CCND1: variants seen among roughly 807,000 people sequenced by gnomAD.
The protein encoded by CCND1 is G1/S-specific cyclin-D1.
CCND1 carries 9 observed loss-of-function variants against 26.1 expected under a neutral mutation model. That is an observed-to-expected ratio of 0.35 (90% confidence interval 0.21 to 0.60). The LOEUF (loss-of-function observed/expected upper bound fraction) is 0.60, where lower values mean the gene tolerates loss of function less well. Among genes scored for constraint, CCND1 ranks in the 20% least tolerant of loss-of-function variants. The pLI, the probability that CCND1 is intolerant of heterozygous loss-of-function variation, is 0.79. For missense variants in CCND1, 335 were observed against 392.9 expected, an observed-to-expected ratio of 0.85 and a Z score of 1.25; for synonymous variants, 194 against 166.1, an observed-to-expected ratio of 1.17 and a Z score of -1.29.
intron 4 of CCND1, among the ~76,000 whole-genome samples, chr11:69,650,530 C>T (rs1349397540): frequency 6.6e-6 from 1 of 152,204 alleles, no homozygotes; most frequent in Non-Finnish European, 1.5e-5. Flanking sequence ...CATGCTGTGC[C>T]AGGCTGATGG....
Position 69,648,242 on chromosome 11 carries a change from T to TGACA in CCND1, c.723+101_723+104dup, listed in dbSNP as rs1314258083. 2.1e-6 allele frequency: 3 copies of TGACA among 1,434,362 alleles called. No homozygotes were observed. The African/African-American group carries it at 4.2e-5, about 20-fold the overall frequency. 88.9% of individuals were successfully genotyped at this position (1,434,362 alleles called of 1,614,324 possible). On this transcript the variant is annotated intron_variant, in intron 4 of 4. Coordinates refer to ENST00000227507, the MANE Select transcript of CCND1 (RefSeq NM_053056.3). ...AGGCTGGTGCCAAGGCCCCCAAGGG[T>TGACA]GACAAGGTTGGGGCTGGGGCTGGGC...
intron 4 of CCND1, among the ~76,000 whole-genome samples, chr11:69,650,710 A>C (rs894990731): frequency 6.6e-6 from 1 of 152,216 alleles, no homozygotes. Context: ...TGGAGAGGTT[A>C]AGTCTGAAAA....
Position 69,653,686 on chromosome 11 carries a change from G to T in CCND1, c.*2404G>T. 1 of 334,670 alleles carries T rather than the reference G, an allele frequency of 3.0e-6. No individual in the cohort carries two copies. Among genetic ancestry groups the T allele is most frequent in the South Asian group, 6.5e-5 (1 of 15,286 alleles). The allele number at this position is 334,670 out of a possible 1,614,324, so 20.7% of individuals were successfully genotyped here. On this transcript the variant is annotated 3_prime_UTR_variant, in exon 5 of 5. Coordinates refer to ENST00000227507, the MANE Select transcript of CCND1 (RefSeq NM_053056.3). ...CTCTTCCCTGCGCCTGTGATGCTGG[G>T]CACTTCATCTGATCGGGGGCGTAGC...
At position 69,653,468 on chromosome 11, in the gene CCND1, C is replaced by T. The variant is rs1203904411; in HGVS notation, c.*2186C>T. The T allele has an allele frequency of 1.7e-6, 1 of 580,264 alleles. No individual in the cohort carries two copies. Among genetic ancestry groups the T allele is most frequent in the African/African-American group, 2.0e-5 (1 of 51,110 alleles). The allele number at this position is 580,264 out of a possible 1,614,324, so 35.9% of individuals were successfully genotyped here. On this transcript the variant is annotated 3_prime_UTR_variant, in exon 5 of 5. Coordinates refer to ENST00000227507, the MANE Select transcript of CCND1 (RefSeq NM_053056.3). ...ATTTTGACTTAATGTGATTACTGCT[C>T]TATTCCAAAAAGGTTGCTGTTTCAC...
intron 3 of CCND1, 89 bp from the exon 4 acceptor site, chr11:69,647,905 C>A (rs2120107856): frequency 6.7e-7 from 1 of 1,502,898 alleles, no homozygotes; most frequent in Non-Finnish European, 9.1e-7. Context: ...GCCGCTTGCT[C>A]AGAGCCAGCA....
At chr11:69,646,715 C>G (rs1240311397) in intron 3 of CCND1, among the ~76,000 whole-genome samples, 1 of 152,210 alleles carries the variant, frequency 6.6e-6, no homozygotes, top group Non-Finnish European at 1.5e-5. Flanking sequence ...AGAGGCACAT[C>G]CCACACTGGC....
At chr11:69,646,331 G>A (rs1855779360) in intron 3 of CCND1, among the ~76,000 whole-genome samples, 1 of 152,116 alleles carries the variant, frequency 6.6e-6, no homozygotes. Flanking sequence ...TTGTTACGGC[G>A]CCCAGCAGCC....
chr11:69,645,833 A>G (rs1246863130), intron 3 of CCND1, among the ~76,000 whole-genome samples: 1 of 152,186 alleles, frequency 6.6e-6, no homozygotes, highest in African/African-American at 2.4e-5. Context: ...TCCTGGCCCC[A>G]GGTCCCCAGC....
Position 69,653,921 on chromosome 11 carries a change from ATTG to A in CCND1, c.*2642_*2644del, listed in dbSNP as rs1855888455. 1.9e-6 allele frequency: 1 copy of A among 532,568 alleles called. No homozygotes were observed. The highest frequency in any genetic ancestry group is 1.9e-5 in the African/African-American group (1 of 53,122). 33.0% of individuals were successfully genotyped at this position (532,568 alleles called of 1,614,324 possible). ...GTTATGTACTAGTGTTCTGTTTGTT[ATTG>A]TTTTGTTAATTACACCATAATGCTA... On this transcript the variant is annotated 3_prime_UTR_variant, in exon 5 of 5. Coordinates refer to ENST00000227507, the MANE Select transcript of CCND1 (RefSeq NM_053056.3).
At chr11:69,644,243 C>T in intron 3 of CCND1, 1 of 534,780 alleles carries the variant, frequency 1.9e-6, no homozygotes, top group South Asian at 2.2e-5. Context: ...CTCAGCCTGC[C>T]TGTGTCCCGT....
intron 4 of CCND1, among the ~76,000 whole-genome samples, chr11:69,648,449 G>A (rs962253806): frequency 2.0e-5 from 3 of 152,252 alleles, no homozygotes; most frequent in Non-Finnish European, 4.4e-5. Context: ...AATGGTCTGT[G>A]TGGTGATGGT....
intron 3 of CCND1, among the ~76,000 whole-genome samples, chr11:69,646,874 C>T (rs150014169): frequency 1.4e-4 from 21 of 152,346 alleles, no homozygotes; most frequent in Non-Finnish European, 2.5e-4. Context: ...GGCCCCGAGA[C>T]GCCCACTACT....
At chr11:69,649,977 G>T (rs1425727020) in intron 4 of CCND1, among the ~76,000 whole-genome samples, 3 of 152,342 alleles carry the variant, frequency 2.0e-5, no homozygotes, top group Admixed American at 2.0e-4. Flanking sequence ...TTATCTGAGG[G>T]GCGGGAGAGG....
At chr11:69,643,367 G>T (rs1855735522) in intron 2 of CCND1, 121 bp downstream of exon 2, 2 of 747,562 alleles carry the variant, frequency 2.7e-6, no homozygotes, top group African/African-American at 3.8e-5. Flanking sequence ...TCCGAGGGAG[G>T]GCGGCCCCGC....
rs969709977 is a variant in CCND1 at position 69,653,464 on chromosome 11, T to C, written c.*2182T>C. The C allele has an allele frequency of 1.7e-6, 1 of 586,658 alleles. No homozygotes were observed. Among genetic ancestry groups the C allele is most frequent in the Admixed American group, 3.4e-5 (1 of 29,310 alleles). The allele number at this position is 586,658 out of a possible 1,614,324, so 36.3% of individuals were successfully genotyped here. ...ATCAATTTTGACTTAATGTGATTAC[T>C]GCTCTATTCCAAAAAGGTTGCTGTT... On this transcript the variant is annotated 3_prime_UTR_variant, in exon 5 of 5. Transcript: ENST00000227507.
intron 1 of CCND1, among the ~76,000 whole-genome samples, chr11:69,642,576 A>AT (rs1192204714): frequency 2.0e-5 from 3 of 152,050 alleles, no homozygotes; most frequent in Non-Finnish European, 4.4e-5. Context: ...ATTTTTAAAT[A>AT]TTTTTTGAAA....
Position 69,644,010 on chromosome 11 carries a change from C to T in CCND1, c.574+19C>T, listed in dbSNP as rs778087994. 5.6e-6 allele frequency: 9 copies of T among 1,611,684 alleles called. No individual in the cohort carries two copies. In the South Asian group the frequency reaches 7.7e-5, roughly 14 times the overall value. On this transcript the variant is annotated intron_variant, in intron 3 of 4. Coordinates refer to ENST00000227507, the MANE Select transcript of CCND1 (RefSeq NM_053056.3). Reference sequence around the variant, plus strand: ...GCCACAGGTAGGGCAGGCCCGGCAGCCCCCGGCCTCCCCTTGAGAGCCGGC... The same window carrying T: ...GCCACAGGTAGGGCAGGCCCGGCAGTCCCCGGCCTCCCCTTGAGAGCCGGC...
chr11:69,646,108 C>A (rs774737050), intron 3 of CCND1, among the ~76,000 whole-genome samples: 1 of 152,204 alleles, frequency 6.6e-6, no homozygotes. Context: ...AGTGACTCCA[C>A]GCTGTGTGTG....
intron 2 of CCND1, 152 bp from the exon 3 acceptor site, chr11:69,643,680 C>G (rs1855741311): frequency 1.5e-6 from 1 of 658,056 alleles, no homozygotes; most frequent in Non-Finnish European, 2.5e-6. Flanking sequence ...CATTCGCCAG[C>G]CCTCCCCTCC....
Sources: gnomAD v4.1 joint callset for allele counts (sites outside exome capture counted in the v4.1 genomes callset) on GRCh38, gnomAD v4.1.1 for gene constraint, MANE v1.5 for transcripts, NCBI Gene and HGNC (gene_info 2026-07-23, HGNC 2026-07-21) for gene names.